Variants in SEMA4B observed in about 807,000 individuals in gnomAD.
SEMA4B encodes the protein semaphorin-4B.
In SEMA4B, 55 loss-of-function variants were observed where a neutral mutation model predicts 88.1. The observed-to-expected ratio is 0.62, with a 90% CI of 0.50 to 0.78. SEMA4B has a LOEUF of 0.78. Among genes scored for constraint, SEMA4B ranks in the 30% least tolerant of loss-of-function variants. The probability of loss-of-function intolerance (pLI) is 0.00; values close to 1 mark genes in which losing one functional copy is unlikely to be tolerated. For missense variants in SEMA4B, 1,062 were observed against 1,111.9 expected (o/e 0.96, Z 0.64); for synonymous variants, 525 against 473.6 (o/e 1.11, Z -1.41).
At chr15:90,184,979 G>T (rs1960121000) in exon 1 of SEMA4B, 1 of 985,848 alleles carries the variant, frequency 1.0e-6, no homozygotes, top group African/African-American at 1.7e-5. Context: ...GTCCCCAGGG[G>T]CTGCGCCGGG....
In SEMA4B at chr15:90,229,403, G is replaced by A. The variant is rs565134835; in HGVS notation, c.*760G>A. On this transcript the variant is annotated 3_prime_UTR_variant, in exon 14 of 14. Transcript: ENST00000411539. Reference sequence around the variant, plus strand: ...AAGAGACTGTCGCCTGCCTTCCTCCGTTGTTGCGTGAGAACCCGTGTGCCC... The same window carrying A: ...AAGAGACTGTCGCCTGCCTTCCTCCATTGTTGCGTGAGAACCCGTGTGCCC... The A allele has an allele frequency of 5.9e-5, 27 of 456,558 alleles. No individual in the cohort carries two copies. Among genetic ancestry groups the A allele is most frequent in the South Asian group, 3.9e-4 (25 of 64,558 alleles). The allele number at this position is 456,558 out of a possible 1,614,324, so 28.3% of individuals were successfully genotyped here.
Position 90,221,497 on chromosome 15 carries a change from A to G in SEMA4B, c.709+17A>G. ...GGCTGCAAGGTGAAGTCCTCTTGCC[A>G]CCACCCAGAGGGCAGGGATCCTGTT... is the stretch of plus-strand genomic sequence containing the variant. On this transcript the variant is annotated intron_variant, in intron 6 of 13. Coordinates refer to ENST00000411539, the MANE Select transcript of SEMA4B (RefSeq NM_198925.4). The G allele has an allele frequency of 6.2e-7, 1 of 1,601,586 alleles. No homozygotes were observed. The highest frequency in any genetic ancestry group is 8.5e-7 in the Non-Finnish European group (1 of 1,173,378).
Position 90,201,434 on chromosome 15 carries a change from T to A in SEMA4B, c.-145T>A. On this transcript the variant is annotated 5_prime_UTR_variant, in exon 1 of 14. Transcript: ENST00000411539. ...GAGTTTGCCAGGGCCCACTTGACCC[T>A]GTTTCCCACCTCCCGCCCCCCAGGT... 7.7e-6 allele frequency: 10 copies of A among 1,295,886 alleles called. No homozygotes were observed. The highest frequency in any genetic ancestry group is 9.8e-6 in the Non-Finnish European group (10 of 1,024,764). 80.3% of individuals were successfully genotyped at this position (1,295,886 alleles called of 1,614,324 possible).
At chr15:90,209,449 C>T (rs562840689) in intron 1 of SEMA4B, among the ~76,000 whole-genome samples, 1 of 151,988 alleles carries the variant, frequency 6.6e-6, no homozygotes, top group South Asian at 2.1e-4. Context: ...CCTGTAATTC[C>T]GGCTACTCAG....
In SEMA4B at chr15:90,228,660, G is replaced by T; in HGVS notation, c.*17G>T. On this transcript the variant is annotated 3_prime_UTR_variant, in exon 14 of 14. Transcript: ENST00000411539. Reference sequence around the variant, plus strand: ...GTGGTGTGAGAGCTGACTTCCAGAGGACGCTGCCCTGGCTTCAGGGGCTGT... The same window carrying T: ...GTGGTGTGAGAGCTGACTTCCAGAGTACGCTGCCCTGGCTTCAGGGGCTGT... The T allele has an allele frequency of 6.2e-7, 1 of 1,612,822 alleles. No homozygotes were observed. Among genetic ancestry groups the T allele is most frequent in the Non-Finnish European group, 8.5e-7 (1 of 1,179,822 alleles).
intron 1 of SEMA4B, among the ~76,000 whole-genome samples, chr15:90,205,990 C>G (rs982129037): frequency 6.6e-6 from 1 of 152,236 alleles, no homozygotes; most frequent in Non-Finnish European, 1.5e-5. Flanking sequence ...GCCTTCAGCA[C>G]AACCCACATC....
rs891830505 is a variant in SEMA4B at position 90,217,731 on chromosome 15, A to G, written c.322-36A>G. ...AGGAGGGAGGCTCAGCAAACCCTCC[A>G]TTTTGTCCACTACCTTCCCCTTTCT... is the stretch of plus-strand genomic sequence containing the variant. On this transcript the variant is annotated intron_variant, in intron 2 of 13. Transcript: ENST00000411539. 7.5e-6 allele frequency: 12 copies of G among 1,610,136 alleles called. No homozygotes were observed. In the African/African-American group the frequency reaches 1.3e-4, roughly 18 times the overall value.
chr15:90,194,082 C>T (rs1334929425), intron 1 of SEMA4B, among the ~76,000 whole-genome samples: 1 of 151,970 alleles, frequency 6.6e-6, no homozygotes, highest in Non-Finnish European at 1.5e-5. Flanking sequence ...GAACTCCTGA[C>T]CTCAGGTGAT....
intron 1 of SEMA4B, among the ~76,000 whole-genome samples, chr15:90,189,948 G>C (rs1201797545): frequency 6.6e-6 from 1 of 152,220 alleles, no homozygotes; most frequent in East Asian, 1.9e-4. Context: ...AGCAAGCAGG[G>C]TCAGCCGTCT....
chr15:90,203,548 G>A (rs139965690), intron 1 of SEMA4B, among the ~76,000 whole-genome samples: 1,618 of 152,260 alleles, frequency 0.011, 10 homozygotes, highest in Non-Finnish European at 0.018. Context: ...GAGGGGAATC[G>A]AGGGGACCTG....
upstream of SEMA4B, among the ~76,000 whole-genome samples, chr15:90,196,572 C>T (rs547341755): frequency 2.6e-5 from 4 of 152,164 alleles, no homozygotes; most frequent in East Asian, 1.9e-4. Flanking sequence ...CTGCAACCTC[C>T]GCCTCTTGAG....
At chr15:90,203,644 C>T in intron 1 of SEMA4B, among the ~76,000 whole-genome samples, 1 of 152,180 alleles carries the variant, frequency 6.6e-6, no homozygotes, top group Non-Finnish European at 1.5e-5. Flanking sequence ...CGTGACTGTT[C>T]CCAGGCTTCT....
At chr15:90,227,867 C>T (rs748585122) in intron 13 of SEMA4B, 37 bp from the exon 14 acceptor site, 2 of 1,604,542 alleles carry the variant, frequency 1.2e-6, no homozygotes, top group Non-Finnish European at 1.7e-6. Flanking sequence ...ACTGTGGACG[C>T]TGGCACCCCC....
At position 90,225,338 on chromosome 15, in the gene SEMA4B, G is replaced by T. The variant is rs778863483; in HGVS notation, c.1462G>T (p.Glu488Ter). ...SVGPRVHIIE[E>*]LQIFSSGQPV... ...GGGCCCCCGGGTGCACATCATTGAG[G>T]AGCTGCAGATCTTCTCATCGGGACA... The change falls in exon 11 of 14, where the codon GAG (glutamate) becomes TAG (stop). Residue 488 changes from glutamate (E) to a stop codon, truncating the protein, a stop_gained. Transcript: ENST00000411539. LOFTEE classifies it high-confidence loss of function. 1.9e-6 allele frequency: 3 copies of T among 1,558,210 alleles called. No individual in the cohort carries two copies. The highest frequency in any genetic ancestry group is 1.7e-6 in the Non-Finnish European group (2 of 1,151,840).
rs1383456103 is a variant in SEMA4B, at chr15:90,221,416, G to A, written c.645G>A (p.Pro215=). 11 of 1,581,012 alleles carry A rather than the reference G, an allele frequency of 7.0e-6. No individual in the cohort carries two copies. The highest frequency in any genetic ancestry group is 2.3e-5 in the South Asian group (2 of 86,352). The change falls in exon 6 of 14, where the codon CCG becomes CCA. Residue 215 remains proline (P), a synonymous_variant. Transcript: ENST00000411539. ...GTVSSFQGND[P]AISRSQSLRP... ...TCAGCAGCTTCCAAGGGAATGACCC[G>A]GCCATCTCGCGGAGCCAAAGCCTTC...
At chr15:90,196,774 A>T (rs1415008597), upstream of SEMA4B, among the ~76,000 whole-genome samples, 2 of 152,232 alleles carry the variant, frequency 1.3e-5, no homozygotes, top group African/African-American at 4.8e-5. Context: ...GGCGTGAGCC[A>T]CTGCACCCGG....
Position 90,223,930 on chromosome 15 carries a change from G to A in SEMA4B, c.1136G>A (p.Arg379His), listed in dbSNP as rs767657922. 4.3e-6 allele frequency: 7 copies of A among 1,613,708 alleles called. No individual in the cohort carries two copies. The highest frequency in any genetic ancestry group is 4.5e-5 in the East Asian group (2 of 44,890). ...AGCGGCCTCTACAAGGAGGTGAACC[G>A]TGAGACACAGCAGTGGTACACCGTG... The part of the protein sequence containing the change: ...VFSGLYKEVN[R>H]ETQQWYTVTH... The change falls in exon 9 of 14, where the codon CGT becomes CAT. Residue 379 changes from arginine (R) to histidine (H), a missense_variant. Transcript: ENST00000411539.
At position 90,228,580 on chromosome 15, in the gene SEMA4B, A is replaced by G; in HGVS notation, c.2451A>G (p.Val817=). Residue 817 remains valine, a synonymous_variant, in exon 14 of 14, where the codon GTA becomes GTG. Coordinates refer to ENST00000411539, the MANE Select transcript of SEMA4B (RefSeq NM_198925.4). The stretch of plus-strand genomic sequence containing the variant: ...GCATCCAAGACAGCTTCGTGGAGGT[A>G]TCCCCAGTGTGCCCCCGGCCCCGGG... ...PLSIQDSFVE[V]SPVCPRPRVR... The G allele has an allele frequency of 6.2e-7, 1 of 1,613,680 alleles. No homozygotes were observed. The highest frequency in any genetic ancestry group is 8.5e-7 in the Non-Finnish European group (1 of 1,179,884).
intron 1 of SEMA4B, among the ~76,000 whole-genome samples, chr15:90,216,412 T>C (rs1224947107): frequency 6.6e-6 from 1 of 152,202 alleles, no homozygotes; most frequent in Non-Finnish European, 1.5e-5. Flanking sequence ...CCTTTATTGG[T>C]TACCTTTGCA....
Sources: allele counts gnomAD v4.1 joint callset (sites outside exome capture counted in the v4.1 genomes callset), GRCh38; gene constraint gnomAD v4.1.1; transcripts MANE v1.5; gene names NCBI Gene and HGNC (gene_info 2026-07-23, HGNC 2026-07-21).